The following MCTP2 variants were observed in gnomAD, a reference collection of about 807,000 sequenced individuals.
The protein encoded by MCTP2 is multiple C2 and transmembrane domain containing 2.
Under a neutral mutation model 111.6 loss-of-function variants are expected in MCTP2, and 132 were observed. That is an observed-to-expected ratio of 1.18 (90% CI 1.03 to 1.37). The LOEUF is 1.37. Among genes scored for constraint, MCTP2 ranks in the 40% most tolerant of loss-of-function variants. The probability of loss-of-function intolerance (pLI) is 0.00; values close to 1 mark genes in which losing one functional copy is unlikely to be tolerated. For missense variants in MCTP2, 1,183 were observed against 1,067.9 expected, an observed-to-expected ratio of 1.11 and a Z score of -1.50; for synonymous variants, 395 against 387.7, an observed-to-expected ratio of 1.02 and a Z score of -0.22.
At chr15:94,237,760 C>A (rs1176852243) in intron 1 of MCTP2, among the ~76,000 whole-genome samples, 1 of 152,136 alleles carries the variant, frequency 6.6e-6, no homozygotes, top group Non-Finnish European at 1.5e-5. Context: ...GATTAAGAGT[C>A]TAGCACCTTT....
At chr15:94,438,079 TAAAGGTAG>T (rs1434300910) in intron 17 of MCTP2, among the ~76,000 whole-genome samples, 1 of 152,024 alleles carries the variant, frequency 6.6e-6, no homozygotes, top group African/African-American at 2.4e-5. Flanking sequence ...CACTGAACAT[TAAAGGTAG>T]AAATCCTAAT....
At chr15:94,352,072 A>G (rs1474257559) in intron 8 of MCTP2, among the ~76,000 whole-genome samples, 2 of 152,188 alleles carry the variant, frequency 1.3e-5, no homozygotes, top group African/African-American at 4.8e-5. Flanking sequence ...CCCCAGGCCC[A>G]AAACATCAAA....
chr15:94,349,351 C>T (rs1272868909), intron 8 of MCTP2, among the ~76,000 whole-genome samples: 3 of 152,098 alleles, frequency 2.0e-5, no homozygotes, highest in African/African-American at 7.2e-5. Context: ...TCAGTTTGCC[C>T]CAAAACCTCT....
chr15:94,265,233 G>A (rs905064463), intron 1 of MCTP2, among the ~76,000 whole-genome samples: 19 of 152,238 alleles, frequency 1.2e-4, no homozygotes, highest in Admixed American at 3.3e-4. Flanking sequence ...AGAACTCTGC[G>A]TTTGCCCTTC....
intron 1 of MCTP2, among the ~76,000 whole-genome samples, chr15:94,256,740 G>T (rs1226830109): frequency 6.6e-6 from 1 of 152,226 alleles, no homozygotes; most frequent in Non-Finnish European, 1.5e-5. Flanking sequence ...GTTAATGTGA[G>T]ATACGGTGTA....
chr15:94,303,178 A>AAT (rs970756290), intron 2 of MCTP2, among the ~76,000 whole-genome samples: 89 of 146,188 alleles, frequency 6.1e-4, no homozygotes, highest in Middle Eastern at 3.6e-3. Flanking sequence ...GAACTAATGG[A>AAT]ATATATATAT....
At chr15:94,385,029 T>C (rs1356227485) in intron 13 of MCTP2, among the ~76,000 whole-genome samples, 1 of 152,260 alleles carries the variant, frequency 6.6e-6, no homozygotes, top group East Asian at 1.9e-4. Context: ...CACCATTTTA[T>C]TTTAAAGGTA....
intron 15 of MCTP2, chr15:94,399,621 G>A (rs1325922017): frequency 1.7e-5 from 4 of 240,876 alleles, no homozygotes; most frequent in Admixed American, 5.4e-5. Context: ...TATCTTTTAC[G>A]GACGTTAGTT....
chr15:94,372,821 A>C (rs964391743), intron 12 of MCTP2, among the ~76,000 whole-genome samples: 16 of 152,208 alleles, frequency 1.1e-4, no homozygotes, highest in Admixed American at 9.8e-4. Context: ...ACATTCTCTA[A>C]AGAATGATGG....
chr15:94,344,368 G>T (rs1320614320), intron 7 of MCTP2, among the ~76,000 whole-genome samples: 1 of 152,126 alleles, frequency 6.6e-6, no homozygotes, highest in African/African-American at 2.4e-5. Flanking sequence ...GCTCAATTAG[G>T]TTTATAATTG....
intron 17 of MCTP2, among the ~76,000 whole-genome samples, chr15:94,403,817 C>T (rs978608394): frequency 6.6e-6 from 1 of 152,136 alleles, no homozygotes; most frequent in Admixed American, 6.5e-5. Context: ...ATCTCTGAGG[C>T]CCACAGCAAG....
intron 1 of MCTP2, among the ~76,000 whole-genome samples, chr15:94,245,116 A>G (rs1158136354): frequency 6.7e-6 from 1 of 149,394 alleles, no homozygotes; most frequent in African/African-American, 2.4e-5. Flanking sequence ...TTATATATGT[A>G]TATGTATACA....
At chr15:94,366,186 A>T (rs1019917792) in intron 10 of MCTP2, among the ~76,000 whole-genome samples, 1 of 152,212 alleles carries the variant, frequency 6.6e-6, no homozygotes, top group African/African-American at 2.4e-5. Flanking sequence ...AAGCTTCCCT[A>T]TTGATACAGA....
chr15:94,302,646 A>T (rs552657136), intron 2 of MCTP2, among the ~76,000 whole-genome samples: 74 of 152,216 alleles, frequency 4.9e-4, no homozygotes, highest in Non-Finnish European at 8.7e-4. Flanking sequence ...TTGTTTTGAC[A>T]GAATTCAGTC....
chr15:94,263,794 C>G (rs1283308247), intron 1 of MCTP2, among the ~76,000 whole-genome samples: 4 of 152,176 alleles, frequency 2.6e-5, no homozygotes, highest in South Asian at 2.1e-4. Context: ...TTTTTTTGCA[C>G]GTGTCTGTGA....
At chr15:94,266,472 A>G (rs576791933) in intron 1 of MCTP2, among the ~76,000 whole-genome samples, 15 of 152,086 alleles carry the variant, frequency 9.9e-5, no homozygotes, top group African/African-American at 3.6e-4. Flanking sequence ...GGCTCAATAA[A>G]TATTGCCAAA....
intron 6 of MCTP2, among the ~76,000 whole-genome samples, 198 bp from the exon 7 acceptor site, chr15:94,340,615 C>A (rs1476836781): frequency 2.0e-5 from 3 of 152,132 alleles, no homozygotes; most frequent in Non-Finnish European, 2.9e-5. Context: ...AGTTAACCAA[C>A]TGTTGAATTA....
intron 10 of MCTP2, among the ~76,000 whole-genome samples, chr15:94,362,334 A>G (rs2078983309): frequency 6.6e-6 from 1 of 152,192 alleles, no homozygotes; most frequent in South Asian, 2.1e-4. Flanking sequence ...AGTATATTTT[A>G]TATTTCAAGG....
At chr15:94,257,466 G>C (rs979335195) in intron 1 of MCTP2, among the ~76,000 whole-genome samples, 15 of 151,370 alleles carry the variant, frequency 9.9e-5, no homozygotes, top group African/African-American at 3.2e-4. Flanking sequence ...GGTAACAGTG[G>C]TGTATGTTCC....
Sources: allele counts gnomAD v4.1 joint callset (sites outside exome capture counted in the v4.1 genomes callset), GRCh38; gene constraint gnomAD v4.1.1; transcripts MANE v1.5; gene names NCBI Gene and HGNC (gene_info 2026-07-23, HGNC 2026-07-21).